The following PLOD2 variants were observed in gnomAD, a reference collection of about 807,000 sequenced individuals.
PLOD2 encodes the protein lysine hydroxylase 2.
A neutral mutation model predicts 101.0 loss-of-function variants in PLOD2; 65 were observed. The observed-to-expected ratio is 0.64, with a 90% CI of 0.53 to 0.79. The LOEUF is 0.79. PLOD2 is among the 30% of genes least tolerant of loss of function. The pLI is 0.00. For synonymous variants in PLOD2, 314 were observed against 302.9 expected, an observed-to-expected ratio of 1.04 and a Z score of -0.38; for missense variants, 909 against 914.6, an observed-to-expected ratio of 0.99 and a Z score of 0.08.
intron 15 of PLOD2, among the ~76,000 whole-genome samples, chr3:146,073,879 G>T (rs1351927913): frequency 6.6e-6 from 1 of 151,404 alleles, no homozygotes; most frequent in African/African-American, 2.4e-5. Context: ...ATTAACTAGG[G>T]TCTGTCTTAT....
intron 1 of PLOD2, among the ~76,000 whole-genome samples, chr3:146,131,245 G>GT (rs1481627159): frequency 6.6e-6 from 1 of 152,190 alleles, no homozygotes; most frequent in Non-Finnish European, 1.5e-5. Flanking sequence ...TCACCCATGT[G>GT]TTTTTTCTCA....
intron 1 of PLOD2, among the ~76,000 whole-genome samples, chr3:146,126,372 A>C (rs893150246): frequency 5.9e-5 from 9 of 152,164 alleles, no homozygotes; most frequent in Admixed American, 5.9e-4. Context: ...TAGTGTTGAC[A>C]TGTATCACCC....
chr3:146,119,396 G>A (rs902887203), intron 3 of PLOD2, among the ~76,000 whole-genome samples: 3 of 152,036 alleles, frequency 2.0e-5, no homozygotes, highest in Middle Eastern at 3.2e-3. Context: ...AGCAGCACAA[G>A]AACTGATTAA....
intron 1 of PLOD2, among the ~76,000 whole-genome samples, chr3:146,137,095 A>G (rs1008789545): frequency 4.6e-5 from 7 of 152,178 alleles, no homozygotes; most frequent in African/African-American, 1.7e-4. Flanking sequence ...AATGAGAAAT[A>G]CTATTTATTT....
chr3:146,100,303 G>A (rs1312848906), intron 7 of PLOD2, among the ~76,000 whole-genome samples: 5 of 152,174 alleles, frequency 3.3e-5, no homozygotes, highest in Non-Finnish European at 5.9e-5. Flanking sequence ...TGTTGAAAGC[G>A]TAGTATTCGC....
intron 1 of PLOD2, among the ~76,000 whole-genome samples, chr3:146,126,064 G>A (rs2030540872): frequency 1.3e-5 from 2 of 152,058 alleles, no homozygotes; most frequent in South Asian, 4.1e-4. Context: ...ATCCTTAATA[G>A]GAAAAGTAAA....
intron 7 of PLOD2, among the ~76,000 whole-genome samples, chr3:146,097,806 T>TAAA (rs1369036899): frequency 8.0e-6 from 1 of 125,062 alleles, no homozygotes; most frequent in Non-Finnish European, 1.8e-5. Context: ...AAAAAAAAAA[T>TAAA]AATAATAATA....
chr3:146,084,185 GC>G (rs1936677147), intron 11 of PLOD2, among the ~76,000 whole-genome samples: 1 of 151,906 alleles, frequency 6.6e-6, no homozygotes, highest in Non-Finnish European at 1.5e-5. Flanking sequence ...GCTTTTCCTT[GC>G]CAAATGATCA....
At chr3:146,077,704 A>G in intron 14 of PLOD2, 158 bp downstream of exon 14, 1 of 558,884 alleles carries the variant, frequency 1.8e-6, no homozygotes, top group Non-Finnish European at 3.1e-6. Context: ...ACCCATGCCC[A>G]AGTCACACAA....
At chr3:146,119,798 T>C (rs2029929477) in intron 3 of PLOD2, among the ~76,000 whole-genome samples, 1 of 152,202 alleles carries the variant, frequency 6.6e-6, no homozygotes, top group South Asian at 2.1e-4. Context: ...CTGCATAGTA[T>C]TCCATGGTGT....
intron 1 of PLOD2, among the ~76,000 whole-genome samples, chr3:146,149,566 G>C (rs1378207264): frequency 6.6e-6 from 1 of 152,052 alleles, no homozygotes; most frequent in Non-Finnish European, 1.5e-5. Flanking sequence ...TGTTTAAAAT[G>C]TAATACTTCA....
chr3:146,110,164 T>C, intron 4 of PLOD2, 121 bp downstream of exon 4: 1 of 824,990 alleles, frequency 1.2e-6, no homozygotes, highest in Non-Finnish European at 2.0e-6. Flanking sequence ...TTTGTCAATA[T>C]ACTAATAATA....
At chr3:146,088,464 A>G in intron 9 of PLOD2, 122 bp downstream of exon 9, 1 of 698,832 alleles carries the variant, frequency 1.4e-6, no homozygotes, top group Non-Finnish European at 2.5e-6. Context: ...CAGGGCTGTA[A>G]TTACTCCAAA....
chr3:146,076,892 C>G lies in PLOD2; in HGVS notation c.1567G>C (p.Val523Leu), dbSNP rs1285399632. ...TFQMLSPPKG[V>L]FMYISNRHEF... ...TGTCTATTAGAAATGTACATAAATA[C>G]ACCCTATATGCCAGAAAATAACAGT... The change falls in exon 15 of 20, where the codon GTA becomes CTA. Residue 523 changes from valine to leucine, a missense_variant. Physicochemically the swap from Val to Leu is conservative, Grantham distance 32. Transcript: ENST00000282903. 1 of 1,519,184 alleles carries G rather than the reference C, an allele frequency of 6.6e-7. No individual in the cohort carries two copies. The allele number at this position is 1,519,184 out of a possible 1,614,324, so 94.1% of individuals were successfully genotyped here. A position where few individuals can be genotyped will look rare whatever the true frequency, so the allele number is the denominator to read the frequency against.
intron 1 of PLOD2, among the ~76,000 whole-genome samples, chr3:146,159,345 G>A (rs2108154816): frequency 6.6e-6 from 1 of 152,298 alleles, no homozygotes; most frequent in African/African-American, 2.4e-5. Context: ...GAGTGAGAAG[G>A]GAATTTGATT....
intron 1 of PLOD2, among the ~76,000 whole-genome samples, chr3:146,151,099 A>T (rs556124392): frequency 2.6e-5 from 4 of 152,336 alleles, no homozygotes; most frequent in African/African-American, 9.6e-5. Context: ...AAACAACCTT[A>T]TATCTATGCC....
At chr3:146,101,752 T>C (rs1937396247) in intron 7 of PLOD2, among the ~76,000 whole-genome samples, 1 of 152,186 alleles carries the variant, frequency 6.6e-6, no homozygotes, top group Non-Finnish European at 1.5e-5. Flanking sequence ...GTTTCATTTG[T>C]AAGATGGAGG....
At chr3:146,132,899 C>A (rs761815742) in intron 1 of PLOD2, among the ~76,000 whole-genome samples, 2 of 152,170 alleles carry the variant, frequency 1.3e-5, no homozygotes, top group Admixed American at 6.5e-5. Context: ...AAAAGCCTGG[C>A]TGGATCCGGT....
chr3:146,071,099 A>G lies in PLOD2; in HGVS notation c.2064T>C (p.His688=), dbSNP rs770169324. 1.9e-6 allele frequency: 3 copies of G among 1,609,962 alleles called. No homozygotes were observed. The highest frequency in any genetic ancestry group is 1.1e-5 in the South Asian group (1 of 90,984). Residue 688 remains histidine (H), a synonymous_variant, in exon 19 of 20, where the codon CAT becomes CAC. Transcript: ENST00000282903. ...PERQRSLRPH[H]DASTFTINIA... ...TGTTTATGGTAAATGTAGAAGCATC[A>G]TGATGAGGACGAAGAGAACGCTGTC...
Sources: gnomAD v4.1 joint callset for allele counts (sites outside exome capture counted in the v4.1 genomes callset) on GRCh38, gnomAD v4.1.1 for gene constraint, MANE v1.5 for transcripts, NCBI Gene and HGNC (gene_info 2026-07-23, HGNC 2026-07-21) for gene names.